Variants in ATP8A2 observed in about 807,000 individuals in gnomAD.
ATP8A2 encodes ATPase phospholipid transporting 8A2, also known as phospholipid-transporting ATPase IB.
In ATP8A2, 100 loss-of-function variants were observed where a neutral mutation model predicts 165.6. The ratio of observed to expected loss-of-function variants is 0.60; its 90% CI spans 0.51 to 0.71. ATP8A2 has a LOEUF of 0.71. Among genes scored for constraint, ATP8A2 ranks in the 30% least tolerant of loss-of-function variants. ATP8A2 has a pLI of 0.00. For synonymous variants in ATP8A2, 543 were observed against 548.8 expected, an observed-to-expected ratio of 0.99 and a Z score of 0.15; for missense variants, 1,227 against 1,479.5, an observed-to-expected ratio of 0.83 and a Z score of 2.80.
intron 2 of ATP8A2, among the ~76,000 whole-genome samples, chr13:25,509,083 T>C (rs2037139056): frequency 6.6e-6 from 1 of 152,186 alleles, no homozygotes; most frequent in Admixed American, 6.5e-5. Context: ...ACCAGAAATA[T>C]TCTTCCTGGC....
At chr13:25,801,898 A>G (rs988599082) in intron 27 of ATP8A2, among the ~76,000 whole-genome samples, 1 of 152,108 alleles carries the variant, frequency 6.6e-6, no homozygotes, top group African/African-American at 2.4e-5. Context: ...GGAGAAGTGC[A>G]GAGCAAAGTG....
intron 1 of ATP8A2, among the ~76,000 whole-genome samples, chr13:25,436,507 A>G (rs1044652524): frequency 7.2e-5 from 11 of 152,116 alleles, no homozygotes; most frequent in Non-Finnish European, 1.3e-4. Flanking sequence ...TATCCAGGCC[A>G]CCACTGATGG....
intron 33 of ATP8A2, among the ~76,000 whole-genome samples, chr13:25,937,351 A>ATTCTTTCTTTCTTTCTTTCT (rs200131293): frequency 2.6e-5 from 2 of 77,768 alleles, no homozygotes; most frequent in African/African-American, 8.6e-5. Flanking sequence ...TTGTCTTTCT[A>ATTCTTTCTTTCTTTCTTTCT]TTCTTTCTTT....
chr13:25,740,794 G>A (rs534586811), intron 25 of ATP8A2, among the ~76,000 whole-genome samples: 24 of 152,282 alleles, frequency 1.6e-4, no homozygotes, highest in African/African-American at 5.8e-4. Context: ...GAATATTAAG[G>A]TCTGACTGGG....
At chr13:25,687,808 G>A (rs973952369) in intron 24 of ATP8A2, among the ~76,000 whole-genome samples, 1 of 152,164 alleles carries the variant, frequency 6.6e-6, no homozygotes, top group African/African-American at 2.4e-5. Flanking sequence ...GATACCACAG[G>A]CAGAGGTTAG....
At chr13:25,388,387 C>T (rs974211656) in intron 1 of ATP8A2, among the ~76,000 whole-genome samples, 5 of 152,190 alleles carry the variant, frequency 3.3e-5, no homozygotes, top group East Asian at 1.9e-4. Flanking sequence ...TTTATTCAGC[C>T]GGGAGCTTTG....
At chr13:25,375,126 T>C (rs898135009) in intron 1 of ATP8A2, among the ~76,000 whole-genome samples, 1 of 152,206 alleles carries the variant, frequency 6.6e-6, no homozygotes, top group Non-Finnish European at 1.5e-5. Context: ...TTTGTGACCA[T>C]GGGGATCCTC....
chr13:25,459,041 A>G (rs1007172231), intron 1 of ATP8A2, among the ~76,000 whole-genome samples: 2 of 152,222 alleles, frequency 1.3e-5, no homozygotes, highest in Admixed American at 1.3e-4. Flanking sequence ...CAAGGGGACC[A>G]GGGATGTCAT....
intron 27 of ATP8A2, among the ~76,000 whole-genome samples, chr13:25,814,377 A>G (rs1950955842): frequency 6.6e-6 from 1 of 152,148 alleles, no homozygotes; most frequent in East Asian, 1.9e-4. Context: ...TTGCAAAAAC[A>G]GGAAAACCTA....
At chr13:25,484,690 T>G (rs552118200) in intron 2 of ATP8A2, among the ~76,000 whole-genome samples, 1 of 152,012 alleles carries the variant, frequency 6.6e-6, no homozygotes, top group Non-Finnish European at 1.5e-5. Context: ...AATTTTTTTG[T>G]ATTTTTAGTA....
chr13:25,416,419 C>T (rs1242404017), intron 1 of ATP8A2, among the ~76,000 whole-genome samples: 1 of 152,058 alleles, frequency 6.6e-6, no homozygotes, highest in African/African-American at 2.4e-5. Context: ...TTGCTGTTCC[C>T]CTGCTCCCAC....
rs1353010665 is a variant in ATP8A2, at chr13:25,443,063, T to C, written c.77-25914T>C. The stretch of plus-strand genomic sequence containing the variant: ...TTGAACTTTGATGAAGTCCAATTTG[T>C]CTATTTTTCTTTTGTTGACTGTGCC... On this transcript the variant is annotated intron_variant, in intron 1 of 36. Transcript: ENST00000381655. Among the ~76,000 whole-genome samples, 5 of 152,354 alleles carry C rather than the reference T, an allele frequency of 3.3e-5. No individual in the cohort carries two copies. The East Asian group carries it at 9.6e-4, about 29-fold the overall frequency.
rs143582156 is a variant in ATP8A2, at chr13:25,747,186, T to C, written c.2385-21860T>C. 2.6e-3 allele frequency among the ~76,000 whole-genome samples: 391 copies of C among 152,356 alleles called. 1 individual carries two copies. The highest frequency in any genetic ancestry group is 4.4e-3 in the Non-Finnish European group (301 of 68,032). ...CTGGAAGGAGGGATCAGTAGAAACT[T>C]AGGTCTACCTTAGCTACAATTCATT... On this transcript the variant is annotated intron_variant, in intron 25 of 36. Transcript: ENST00000381655.
rs566223901 is a variant in ATP8A2 at position 25,768,744 on chromosome 13, A to G, written c.2385-302A>G. Reference sequence around the variant, plus strand: ...TGTAACTAGACTGACTTCCTTTATCATTCAGCAGGGCACACGTACCCCCGA... The same window carrying G: ...TGTAACTAGACTGACTTCCTTTATCGTTCAGCAGGGCACACGTACCCCCGA... On this transcript the variant is annotated intron_variant, in intron 25 of 36. Coordinates refer to ENST00000381655, the MANE Select transcript of ATP8A2 (RefSeq NM_016529.6). 2.4e-3 allele frequency among the ~76,000 whole-genome samples: 358 copies of G among 152,304 alleles called. 1 individual carries two copies. The highest frequency in any genetic ancestry group is 2.5e-3 in the Non-Finnish European group (172 of 68,020).
chr13:25,553,789 A>G lies in ATP8A2; in HGVS notation c.1058-4A>G. On this transcript the variant is annotated splice_polypyrimidine_tract_variant and splice_region_variant and intron_variant, in intron 11 of 36. Transcript: ENST00000381655. ...CTTTCAGATACTCTGGTTTCCTTCC[A>G]CAGACACCACCTCAGATAATTTTGG... 3 of 1,611,166 alleles carry G rather than the reference A, an allele frequency of 1.9e-6. No individual in the cohort carries two copies. The highest frequency in any genetic ancestry group is 2.5e-6 in the Non-Finnish European group (3 of 1,178,946).
chr13:25,400,630 G>A (rs1052177030), intron 1 of ATP8A2, among the ~76,000 whole-genome samples: 5 of 152,136 alleles, frequency 3.3e-5, no homozygotes, highest in East Asian at 1.9e-4. Context: ...CGATGACTCC[G>A]GATTATTCTA....
At chr13:25,850,015 G>A (rs1352710091) in intron 30 of ATP8A2, among the ~76,000 whole-genome samples, 1 of 152,200 alleles carries the variant, frequency 6.6e-6, no homozygotes, top group Non-Finnish European at 1.5e-5. Context: ...TGTTGTTGTT[G>A]TTGTTTACCC....
At chr13:25,910,597 T>C (rs1345049814) in intron 33 of ATP8A2, among the ~76,000 whole-genome samples, 1 of 152,160 alleles carries the variant, frequency 6.6e-6, no homozygotes, top group Non-Finnish European at 1.5e-5. Flanking sequence ...ATTTCTGTAT[T>C]GGAAAAACAT....
intron 35 of ATP8A2, among the ~76,000 whole-genome samples, chr13:25,990,241 G>C (rs1045833254): frequency 1.3e-5 from 2 of 148,496 alleles, no homozygotes; most frequent in Non-Finnish European, 3.0e-5. Context: ...GCACTGTTTT[G>C]GGTGCCAAGC....
Sources: allele counts gnomAD v4.1 joint callset (sites outside exome capture counted in the v4.1 genomes callset), GRCh38; gene constraint gnomAD v4.1.1; transcripts MANE v1.5; gene names NCBI Gene and HGNC (gene_info 2026-07-23, HGNC 2026-07-21).